Variants in NNMT observed in about 807,000 individuals in gnomAD.
NNMT encodes nicotinamide N-methyltransferase.
Under a neutral mutation model 11.7 loss-of-function variants are expected in NNMT, and 10 were observed. The ratio of observed to expected loss-of-function variants is 0.85; its 90% CI spans 0.53 to 1.45. The LOEUF (loss-of-function observed/expected upper bound fraction) is 1.45, where lower values mean the gene tolerates loss of function less well. Ranked by LOEUF, NNMT falls within the 40% of genes most tolerant of loss-of-function variation. NNMT has a pLI of 0.00. For synonymous variants in NNMT, 143 were observed against 133.8 expected (o/e 1.07, Z -0.48); for missense variants, 381 against 319.4 (o/e 1.19, Z -1.47).
intron 2 of NNMT, among the ~76,000 whole-genome samples, chr11:114,267,313 C>G (rs1407398367): frequency 6.6e-6 from 1 of 152,106 alleles, no homozygotes; most frequent in Non-Finnish European, 1.5e-5. Context: ...TTTTTCCTAG[C>G]ATTTACCACT....
chr11:114,259,111 T>C (rs1170001747), intron 1 of NNMT, among the ~76,000 whole-genome samples: 1 of 152,242 alleles, frequency 6.6e-6, no homozygotes, highest in Non-Finnish European at 1.5e-5. Flanking sequence ...TTGTGTGTTA[T>C]CTATCTTTGT....
rs938125157 is a variant in NNMT at position 114,312,560 on chromosome 11, G to C, written c.*83G>C. 2.5e-5 allele frequency: 35 copies of C among 1,376,354 alleles called. No homozygotes were observed. The highest frequency in any genetic ancestry group is 2.4e-4 in the Admixed American group (13 of 53,882). 85.3% of individuals were successfully genotyped at this position (1,376,354 alleles called of 1,614,324 possible). On this transcript the variant is annotated 3_prime_UTR_variant, in exon 3 of 3. Coordinates refer to ENST00000299964, the MANE Select transcript of NNMT (RefSeq NM_006169.3). ...GTTTCTAACTGCCAAGTCATGTGCT[G>C]AGTAGAGGCTCAGTGGTTGGGGCCC...
chr11:114,277,526 G>A (rs1408035020), intron 2 of NNMT, among the ~76,000 whole-genome samples: 1 of 152,156 alleles, frequency 6.6e-6, no homozygotes, highest in Non-Finnish European at 1.5e-5. Context: ...GCAGCACATT[G>A]GTGAGATGTA....
chr11:114,304,736 G>C (rs1033737152), intron 2 of NNMT, among the ~76,000 whole-genome samples: 4 of 152,150 alleles, frequency 2.6e-5, no homozygotes, highest in African/African-American at 9.7e-5. Context: ...CAGCTACTGG[G>C]GAGGCTGAGG....
upstream of NNMT, among the ~76,000 whole-genome samples, chr11:114,292,873 G>T (rs901274142): frequency 2.0e-5 from 3 of 152,048 alleles, no homozygotes; most frequent in African/African-American, 7.2e-5. Context: ...AAAATTCCCT[G>T]GTAAATTGAC....
At chr11:114,295,419 CT>C (rs35621813), upstream of NNMT, among the ~76,000 whole-genome samples, 2,483 of 84,892 alleles carry the variant, frequency 0.029, 38 homozygotes, top group African/African-American at 0.11. Flanking sequence ...TTAAAGAATT[CT>C]TTTTTTTTTT....
At chr11:114,302,845 A>G (rs1043731321) in intron 2 of NNMT, among the ~76,000 whole-genome samples, 56 of 152,214 alleles carry the variant, frequency 3.7e-4, no homozygotes, top group African/African-American at 1.3e-3. Flanking sequence ...CATGAATGGG[A>G]TTAGTGCCCT....
At chr11:114,258,738 C>T (rs73009006) in intron 1 of NNMT, among the ~76,000 whole-genome samples, 11,513 of 152,312 alleles carry the variant, frequency 0.076, 539 homozygotes, top group Non-Finnish European at 0.11. Context: ...CCAAGACACC[C>T]TGAGTGACAG....
Position 114,312,827 on chromosome 11 carries a change from G to C in NNMT, c.*350G>C, listed in dbSNP as rs2135288596. On this transcript the variant is annotated 3_prime_UTR_variant, in exon 3 of 3. Coordinates refer to ENST00000299964, the MANE Select transcript of NNMT (RefSeq NM_006169.3). The stretch of plus-strand genomic sequence containing the variant: ...AGTTACTCACTATTAGTTTCCTAAG[G>C]GGGCACTGCTGGCTCCTTCTCTCCC... 1 of 215,982 alleles carries C rather than the reference G, an allele frequency of 4.6e-6. No individual in the cohort carries two copies. Among genetic ancestry groups the C allele is most frequent in the Non-Finnish European group, 9.3e-6 (1 of 107,344 alleles). 13.4% of individuals were successfully genotyped at this position (215,982 alleles called of 1,614,324 possible). A position where few individuals can be genotyped will look rare whatever the true frequency, so the allele number is the denominator to read the frequency against.
upstream of NNMT, among the ~76,000 whole-genome samples, chr11:114,292,877 A>T (rs996921917): frequency 5.3e-5 from 8 of 152,154 alleles, no homozygotes; most frequent in African/African-American, 1.7e-4. Context: ...TTCCCTGGTA[A>T]ATTGACCCAT....
At chr11:114,305,380 G>A (rs1488713776) in intron 2 of NNMT, among the ~76,000 whole-genome samples, 2 of 151,542 alleles carry the variant, frequency 1.3e-5, no homozygotes, top group African/African-American at 2.4e-5. Context: ...TTAAGTTCTA[G>A]GGTACATGTG....
intron 2 of NNMT, among the ~76,000 whole-genome samples, chr11:114,300,354 A>T (rs1945426495): frequency 6.6e-6 from 1 of 152,088 alleles, no homozygotes. Flanking sequence ...TTTCCAAAGT[A>T]TTGGGATTTT....
intron 2 of NNMT, among the ~76,000 whole-genome samples, chr11:114,285,935 T>C (rs1419467237): frequency 6.6e-6 from 1 of 152,214 alleles, no homozygotes; most frequent in Non-Finnish European, 1.5e-5. Flanking sequence ...TGAAGCATCC[T>C]GGGGCCCTCT....
rs1367661977 is a variant in NNMT at position 114,296,619 on chromosome 11, A to G, written c.63A>G (p.Leu21=). 3 of 1,614,094 alleles carry G rather than the reference A, an allele frequency of 1.9e-6. No homozygotes were observed. Among genetic ancestry groups the G allele is most frequent in the South Asian group, 2.2e-5 (2 of 91,086 alleles). ...YLSHFNPRDY[L]EKYYKFGSRH... is the part of the protein sequence containing the mutation. ...GCCATTTTAACCCTCGGGATTACCT[A>G]GAAAAATATTACAAGTTTGGTTCTA... The change falls in exon 1 of 3, where the codon CTA becomes CTG. Residue 21 remains leucine (L), a synonymous_variant. Transcript: ENST00000299964.
rs774224324 is a variant in NNMT, at chr11:114,297,992, C to T, written c.196C>T (p.Pro66Ser). ...CCTGCTGATTGACATCGGCTCTGGCCCCACTATCTATCAGCTCCTCTCTGC... is the reference window on the plus strand; with the variant it reads ...CCTGCTGATTGACATCGGCTCTGGCTCCACTATCTATCAGCTCCTCTCTGC... ...GDLLIDIGSGPTIYQLLSACE... is the reference protein window; with the variant it reads ...GDLLIDIGSGSTIYQLLSACE... The change falls in exon 2 of 3, where the codon CCC becomes TCC. Residue 66 changes from proline (P) to serine (S), a missense_variant. Physicochemically the swap from Pro to Ser is moderately conservative, Grantham distance 74 (BLOSUM62 -1). Transcript: ENST00000299964. 1.9e-6 allele frequency: 3 copies of T among 1,613,458 alleles called. No homozygotes were observed. The highest frequency in any genetic ancestry group is 1.1e-5 in the South Asian group (1 of 91,054).
intron 2 of NNMT, among the ~76,000 whole-genome samples, chr11:114,279,350 G>A (rs536165678): frequency 2.6e-5 from 4 of 152,304 alleles, no homozygotes; most frequent in African/African-American, 7.2e-5. Flanking sequence ...ATGATGGGAA[G>A]CACAGAAGAG....
At chr11:114,294,156 TA>T (rs1479220927), upstream of NNMT, among the ~76,000 whole-genome samples, 1 of 151,570 alleles carries the variant, frequency 6.6e-6, no homozygotes, top group African/African-American at 2.4e-5. Context: ...GCGAGGTGGG[TA>T]GGGGGGATGT....
intron 1 of NNMT, among the ~76,000 whole-genome samples, chr11:114,259,380 G>A (rs1248876758): frequency 6.7e-6 from 1 of 148,268 alleles, no homozygotes; most frequent in Non-Finnish European, 1.5e-5. Flanking sequence ...CCCCACACCT[G>A]TGCTCATGTC....
chr11:114,264,066 C>T (rs555960488), intron 2 of NNMT, among the ~76,000 whole-genome samples: 1 of 152,058 alleles, frequency 6.6e-6, no homozygotes, highest in Non-Finnish European at 1.5e-5. Context: ...AAAGTCAGCT[C>T]CTCCTCTTGG....
Sources: gnomAD v4.1 joint callset for allele counts (sites outside exome capture counted in the v4.1 genomes callset) on GRCh38, gnomAD v4.1.1 for gene constraint, MANE v1.5 for transcripts, NCBI Gene and HGNC (gene_info 2026-07-23, HGNC 2026-07-21) for gene names.